CWF19L2: variants seen among roughly 807,000 people sequenced by gnomAD.
CWF19L2 encodes CWF19-like protein 2.
Under a neutral mutation model 111.7 loss-of-function variants are expected in CWF19L2, and 98 were observed. The observed-to-expected ratio is 0.88, with a 90% CI of 0.75 to 1.04. The LOEUF (loss-of-function observed/expected upper bound fraction) is 1.04. CWF19L2 is among the 50% of genes least tolerant of loss of function. CWF19L2 has a pLI of 0.00. For synonymous variants in CWF19L2, 351 were observed against 342.9 expected, an observed-to-expected ratio of 1.02 and a Z score of -0.26; for missense variants, 1,101 against 1,051.4, an observed-to-expected ratio of 1.05 and a Z score of -0.65.
intron 15 of CWF19L2, among the ~76,000 whole-genome samples, chr11:107,335,722 G>C (rs1243905603): frequency 6.6e-6 from 1 of 152,052 alleles, no homozygotes; most frequent in Non-Finnish European, 1.5e-5. Context: ...AGAAAGAAAA[G>C]CCAGAGTGAT....
At chr11:107,413,079 C>T (rs1032244465) in intron 10 of CWF19L2, among the ~76,000 whole-genome samples, 1 of 152,136 alleles carries the variant, frequency 6.6e-6, no homozygotes, top group African/African-American at 2.4e-5. Flanking sequence ...TTCAAACCCA[C>T]AGAATGTACA....
intron 14 of CWF19L2, among the ~76,000 whole-genome samples, chr11:107,344,516 A>G (rs1860049945): frequency 6.6e-6 from 1 of 151,998 alleles, no homozygotes; most frequent in African/African-American, 2.4e-5. Flanking sequence ...CTTGACAGTT[A>G]TTTTCTTTCA....
intron 10 of CWF19L2, chr11:107,404,618 G>A (rs527273882): frequency 1.0e-3 from 562 of 550,538 alleles, no homozygotes; most frequent in Admixed American, 1.7e-3. Flanking sequence ...CTCTGGCTTC[G>A]CTTCCCTTTG....
chr11:107,402,871 G>GTATA (rs767099135), intron 10 of CWF19L2, among the ~76,000 whole-genome samples: 1,285 of 56,892 alleles, frequency 0.023, 153 homozygotes, highest in South Asian at 0.032. Flanking sequence ...AAACTGTGGT[G>GTATA]TGTATATATA....
At chr11:107,390,003 A>T in intron 12 of CWF19L2, 71 bp downstream of exon 12, 3 of 1,333,326 alleles carry the variant, frequency 2.3e-6, no homozygotes, top group Non-Finnish European at 2.1e-6. Flanking sequence ...GATCTCTCCA[A>T]AAAGCAGATC....
In CWF19L2 at chr11:107,439,120, C is replaced by T. The variant is rs1202334560; in HGVS notation, c.634G>A (p.Glu212Lys). The change falls in exon 6 of 18, where the codon GAA becomes AAA. Residue 212 changes from glutamate (E) to lysine (K), a missense_variant. Coordinates refer to ENST00000282251, the MANE Select transcript of CWF19L2 (RefSeq NM_152434.3). ...GTAATCGATGACACACTACAGTCTT[C>T]AGGTGGAAGACCTGTCCCACCATCC... ...WKDGGTGLPP[E>K]DCSVSSITKV... 6.3e-7 allele frequency: 1 copy of T among 1,594,026 alleles called. No individual in the cohort carries two copies. Among genetic ancestry groups the T allele is most frequent in the African/African-American group, 1.4e-5 (1 of 74,040 alleles).
chr11:107,336,835 A>G, intron 14 of CWF19L2, 122 bp from the exon 15 acceptor site: 2 of 587,016 alleles, frequency 3.4e-6, no homozygotes, highest in Non-Finnish European at 5.7e-6. Flanking sequence ...AAAATGAAAA[A>G]TAAATAAAAT....
chr11:107,393,160 C>T (rs1334156986), intron 10 of CWF19L2, among the ~76,000 whole-genome samples: 1 of 151,974 alleles, frequency 6.6e-6, no homozygotes, highest in Non-Finnish European at 1.5e-5. Flanking sequence ...TTCATCTAGA[C>T]AATATTAAAA....
rs138541383 is a variant in CWF19L2 at position 107,329,975 on chromosome 11, G to A, written c.2484C>T (p.His828=). 5.8e-5 allele frequency: 92 copies of A among 1,589,986 alleles called. 1 individual carries two copies. In the African/African-American group the frequency reaches 8.9e-4, roughly 15 times the overall value. ...LPYFSVDFGL[H]GGFAHVIEDQ... is the part of the protein sequence containing the mutation. ...CTTCAATGACATGGGCAAACCCTCCGTGAAGGCCAAAATCCACAGAGAAGT... is the reference window on the plus strand; with the variant it reads ...CTTCAATGACATGGGCAAACCCTCCATGAAGGCCAAAATCCACAGAGAAGT... The change falls in exon 17 of 18, where the codon CAC becomes CAT. Residue 828 remains histidine, a synonymous_variant. Coordinates refer to ENST00000282251, the MANE Select transcript of CWF19L2 (RefSeq NM_152434.3).
intron 3 of CWF19L2, among the ~76,000 whole-genome samples, chr11:107,447,840 G>GA (rs1361065965): frequency 1.3e-5 from 2 of 151,952 alleles, no homozygotes; most frequent in East Asian, 1.9e-4. Flanking sequence ...AACAGAACAG[G>GA]AAAAAACAAG....
intron 8 of CWF19L2, among the ~76,000 whole-genome samples, chr11:107,418,903 G>A (rs1861265682): frequency 6.6e-6 from 1 of 152,168 alleles, no homozygotes; most frequent in Non-Finnish European, 1.5e-5. Context: ...ATAATTCAAG[G>A]CTACAGTGCA....
At chr11:107,375,856 A>C (rs1832899094) in intron 12 of CWF19L2, among the ~76,000 whole-genome samples, 1 of 44,882 alleles carries the variant, frequency 2.2e-5, no homozygotes, top group Admixed American at 1.5e-4. Context: ...AAGGATCAAC[A>C]AAATTGATAG....
chr11:107,337,344 A>G (rs1477258327), intron 14 of CWF19L2, among the ~76,000 whole-genome samples: 1 of 136,528 alleles, frequency 7.3e-6, no homozygotes, highest in Non-Finnish European at 1.5e-5. Flanking sequence ...ACACAAATAT[A>G]ATCAGTTGTG....
intron 12 of CWF19L2, among the ~76,000 whole-genome samples, chr11:107,354,896 G>A (rs1271953881): frequency 6.6e-6 from 1 of 152,030 alleles, no homozygotes; most frequent in African/African-American, 2.4e-5. Flanking sequence ...CAATACTATG[G>A]TAAGAATTAG....
intron 12 of CWF19L2, among the ~76,000 whole-genome samples, chr11:107,371,870 G>A (rs1057040798): frequency 7.3e-6 from 1 of 137,014 alleles, no homozygotes; most frequent in Admixed American, 7.2e-5. Context: ...ACAAAAATAA[G>A]AGATGAAAGA....
chr11:107,329,557 A>T (rs1377392461), intron 17 of CWF19L2, among the ~76,000 whole-genome samples: 5 of 152,276 alleles, frequency 3.3e-5, no homozygotes, highest in African/African-American at 1.2e-4. Context: ...TATCCACACA[A>T]TAGGATTATT....
intron 14 of CWF19L2, among the ~76,000 whole-genome samples, chr11:107,338,261 A>G (rs546990600): frequency 7.9e-5 from 12 of 152,202 alleles, no homozygotes; most frequent in African/African-American, 2.6e-4. Context: ...TTACAGTCAC[A>G]GTCATTCCAC....
At chr11:107,428,773 T>C in intron 8 of CWF19L2, 26 bp downstream of exon 8, 1 of 1,548,260 alleles carries the variant, frequency 6.5e-7, no homozygotes, top group Non-Finnish European at 8.8e-7. Context: ...GATCTTAACT[T>C]ATTAGGTTAA....
chr11:107,428,340 T>C (rs1377173593), intron 8 of CWF19L2, among the ~76,000 whole-genome samples: 1 of 152,164 alleles, frequency 6.6e-6, no homozygotes, highest in African/African-American at 2.4e-5. Context: ...GCAAGATCTC[T>C]GGCATGTATT....
Sources: gnomAD v4.1 joint callset for allele counts (sites outside exome capture counted in the v4.1 genomes callset) on GRCh38, gnomAD v4.1.1 for gene constraint, MANE v1.5 for transcripts, NCBI Gene and HGNC (gene_info 2026-07-23, HGNC 2026-07-21) for gene names.